Variants in NAPEPLD observed in about 807,000 individuals in gnomAD.
NAPEPLD encodes N-acyl phosphatidylethanolamine phospholipase D.
Under a neutral mutation model 38.1 loss-of-function variants are expected in NAPEPLD, and 23 were observed. The observed-to-expected ratio is 0.60, with a 90% confidence interval of 0.43 to 0.86. NAPEPLD has a LOEUF of 0.86. Among genes scored for constraint, NAPEPLD ranks in the 40% least tolerant of loss-of-function variants. NAPEPLD has a pLI of 0.00. For synonymous variants in NAPEPLD, 147 were observed against 162.0 expected (o/e 0.91, Z 0.71); for missense variants, 411 against 476.8 (o/e 0.86, Z 1.28).
chr7:103,106,386 T>G (rs1246891231), intron 4 of NAPEPLD, among the ~76,000 whole-genome samples: 1 of 150,890 alleles, frequency 6.6e-6, no homozygotes, highest in Non-Finnish European at 1.5e-5. Flanking sequence ...GCACCTGTAA[T>G]GCCAGCAAAA....
At chr7:103,144,799 G>A (rs143174983) in intron 1 of NAPEPLD, among the ~76,000 whole-genome samples, 1 of 152,082 alleles carries the variant, frequency 6.6e-6, no homozygotes, top group East Asian at 1.9e-4. Flanking sequence ...ATCATTTGAG[G>A]CCAGGAGTTC....
chr7:103,140,838 CAGA>C lies in NAPEPLD; in HGVS notation c.-17+7970_-17+7972del, dbSNP rs375607945. On this transcript the variant is annotated intron_variant, in intron 1 of 4. Coordinates refer to ENST00000465647, the MANE Select transcript of NAPEPLD (RefSeq NM_001122838.3). Reference sequence around the variant, plus strand: ...TATCTCCCTTCACTGGCCCAAGGAGCAGAAGCTGAAAACTCATGATACTAATGG... The same window carrying C: ...TATCTCCCTTCACTGGCCCAAGGAGCAGCTGAAAACTCATGATACTAATGG... 8.8e-3 allele frequency among the ~76,000 whole-genome samples: 1,341 copies of C among 152,200 alleles called. 9 individuals carry two copies. Among genetic ancestry groups the C allele is most frequent in the Middle Eastern group, 0.027 (8 of 294 alleles).
At chr7:103,115,266 C>T (rs1055457379) in intron 3 of NAPEPLD, 92 bp from the exon 4 acceptor site, 14 of 886,790 alleles carry the variant, frequency 1.6e-5, no homozygotes, top group Admixed American at 2.2e-5. Flanking sequence ...TAAGATTCTG[C>T]GCAGGACTAT....
intron 2 of NAPEPLD, among the ~76,000 whole-genome samples, chr7:103,122,161 G>A (rs1423601380): frequency 3.3e-5 from 5 of 149,862 alleles, no homozygotes; most frequent in South Asian, 2.1e-4. Context: ...AGCTGGCGTC[G>A]AACTCCTGGG....
At chr7:103,130,781 G>A (rs1808768503) in intron 1 of NAPEPLD, among the ~76,000 whole-genome samples, 1 of 152,034 alleles carries the variant, frequency 6.6e-6, no homozygotes, top group African/African-American at 2.4e-5. Flanking sequence ...TTTTTTAGTA[G>A]AGATGGGGTT....
chr7:103,129,606 G>A (rs138584499), intron 1 of NAPEPLD, among the ~76,000 whole-genome samples: 1 of 152,270 alleles, frequency 6.6e-6, no homozygotes, highest in African/African-American at 2.4e-5. Flanking sequence ...AGAACAGCCA[G>A]TCCAAATCCC....
At chr7:103,103,653 G>C in intron 4 of NAPEPLD, 99 bp from the exon 5 acceptor site, 3 of 1,225,898 alleles carry the variant, frequency 2.4e-6, no homozygotes, top group Non-Finnish European at 3.4e-6. Context: ...CAGATGCCTA[G>C]TTAGAATTAG....
At chr7:103,131,504 C>G (rs866336493) in intron 1 of NAPEPLD, among the ~76,000 whole-genome samples, 24 of 152,036 alleles carry the variant, frequency 1.6e-4, no homozygotes, top group Non-Finnish European at 3.5e-4. Context: ...ACTAAAAATA[C>G]AAAAAGTAGC....
chr7:103,125,908 T>TAAG (rs1807670388), intron 2 of NAPEPLD, among the ~76,000 whole-genome samples: 1 of 148,550 alleles, frequency 6.7e-6, no homozygotes, highest in South Asian at 2.1e-4. Context: ...ATAATAATAA[T>TAAG]AATAATAATA....
chr7:103,120,680 A>C (rs1806458165), intron 2 of NAPEPLD, among the ~76,000 whole-genome samples: 1 of 147,026 alleles, frequency 6.8e-6, no homozygotes, highest in Non-Finnish European at 1.5e-5. Context: ...CTCAGACATG[A>C]ATCATGAATC....
At chr7:103,120,441 C>T (rs145481356) in intron 2 of NAPEPLD, among the ~76,000 whole-genome samples, 4 of 152,140 alleles carry the variant, frequency 2.6e-5, no homozygotes, top group African/African-American at 7.2e-5. Context: ...CTTCTTCCTC[C>T]CAAATGCAAA....
chr7:103,110,185 T>C (rs962882535), intron 4 of NAPEPLD, among the ~76,000 whole-genome samples: 1 of 151,898 alleles, frequency 6.6e-6, no homozygotes, highest in Non-Finnish European at 1.5e-5. Flanking sequence ...TTCCAAACAA[T>C]AGAAAAAGAG....
At chr7:103,135,164 T>A (rs1043304377) in intron 1 of NAPEPLD, among the ~76,000 whole-genome samples, 4 of 152,258 alleles carry the variant, frequency 2.6e-5, no homozygotes, top group African/African-American at 9.6e-5. Context: ...GATGCTGATG[T>A]TAAATCTGGA....
rs1282738446 is a variant in NAPEPLD, at chr7:103,100,869, G to T, written c.*2560C>A. On this transcript the variant is annotated 3_prime_UTR_variant, in exon 5 of 5. Transcript: ENST00000465647. ...AGAGATGAAGCTTGATGTTCTTAAT[G>T]AATAGTGTCAGTGTAGAAAGAACAT... is the stretch of plus-strand genomic sequence containing the variant. 1 of 152,302 alleles carries T rather than the reference G, an allele frequency of 6.6e-6. No individual in the cohort carries two copies. The highest frequency in any genetic ancestry group is 1.9e-4 in the East Asian group (1 of 5,186). The allele number at this position is 152,302 out of a possible 1,614,324, so 9.4% of individuals were successfully genotyped here.
rs2129528103 is a variant in NAPEPLD at position 103,115,432 on chromosome 7, G to A, written c.942-258C>T. On this transcript the variant is annotated intron_variant, in intron 3 of 4. Transcript: ENST00000465647. ...ACAGGAGGCAAAACCATCTCCCTTT[G>A]GTACACTTTCTGCTGAAAAATAAAA... The A allele has an allele frequency of 1.8e-5, 6 of 328,894 alleles. 1 individual carries two copies. Among genetic ancestry groups the A allele is most frequent in the South Asian group, 2.1e-4 (2 of 9,414 alleles). The allele number at this position is 328,894 out of a possible 1,614,324, so 20.4% of individuals were successfully genotyped here. A position where few individuals can be genotyped will look rare whatever the true frequency, so the allele number is the denominator to read the frequency against.
intron 1 of NAPEPLD, among the ~76,000 whole-genome samples, chr7:103,135,933 T>C (rs1295137337): frequency 6.6e-6 from 1 of 152,132 alleles, no homozygotes; most frequent in Non-Finnish European, 1.5e-5. Context: ...AAACGTTGTT[T>C]TAAATGTCTG....
At chr7:103,135,099 A>G (rs1371958707) in intron 1 of NAPEPLD, among the ~76,000 whole-genome samples, 1 of 152,232 alleles carries the variant, frequency 6.6e-6, no homozygotes, top group Admixed American at 6.5e-5. Flanking sequence ...AATCATTCCC[A>G]GAGTAGACAT....
intron 1 of NAPEPLD, among the ~76,000 whole-genome samples, chr7:103,137,460 C>A (rs1182730673): frequency 1.3e-5 from 2 of 152,054 alleles, no homozygotes; most frequent in Admixed American, 6.6e-5. Context: ...TTTATGAATA[C>A]CTTTTACGAC....
chr7:103,142,248 A>G (rs1338676714), intron 1 of NAPEPLD, among the ~76,000 whole-genome samples: 1 of 152,118 alleles, frequency 6.6e-6, no homozygotes, highest in Non-Finnish European at 1.5e-5. Flanking sequence ...CAAGTTAGAG[A>G]GGCAGCATCA....
Sources: allele counts gnomAD v4.1 joint callset (sites outside exome capture counted in the v4.1 genomes callset), GRCh38; gene constraint gnomAD v4.1.1; transcripts MANE v1.5; gene names NCBI Gene and HGNC (gene_info 2026-07-23, HGNC 2026-07-21).